PTPRK: variants seen among roughly 807,000 people sequenced by gnomAD.
PTPRK encodes receptor-type tyrosine-protein phosphatase kappa.
In PTPRK, 75 loss-of-function variants were observed where a neutral mutation model predicts 178.0. The ratio of observed to expected loss-of-function variants is 0.42; its 90% CI spans 0.35 to 0.51. PTPRK has a LOEUF of 0.51. PTPRK is among the 20% of genes least tolerant of loss of function. The pLI, the probability that PTPRK is intolerant of heterozygous loss-of-function variation, is 0.02. For synonymous variants in PTPRK, 637 were observed against 620.6 expected (o/e 1.03, Z -0.39); for missense variants, 1,441 against 1,797.8 (o/e 0.80, Z 3.59).
chr6:128,277,482 A>G (rs957225832), intron 3 of PTPRK, among the ~76,000 whole-genome samples: 3 of 152,158 alleles, frequency 2.0e-5, no homozygotes, highest in African/African-American at 7.2e-5. Flanking sequence ...GAGGTCAGAA[A>G]ATAATCATAT....
intron 8 of PTPRK, among the ~76,000 whole-genome samples, chr6:128,086,792 C>T (rs904557147): frequency 6.6e-6 from 1 of 151,940 alleles, no homozygotes; most frequent in Non-Finnish European, 1.5e-5. Context: ...ACGTATCAAT[C>T]ATTAAATATT....
chr6:128,157,063 T>C (rs1007909245), intron 7 of PTPRK, among the ~76,000 whole-genome samples: 2 of 152,026 alleles, frequency 1.3e-5, no homozygotes, highest in African/African-American at 4.8e-5. Flanking sequence ...ATAAAAGCTC[T>C]GAAAACCAAA....
chr6:128,228,318 A>G, intron 5 of PTPRK, among the ~76,000 whole-genome samples: 1 of 151,984 alleles, frequency 6.6e-6, no homozygotes, highest in East Asian at 1.9e-4. Flanking sequence ...TCTCTACAGG[A>G]TCAAGGGTAC....
At chr6:128,453,272 C>T (rs1417232882) in intron 1 of PTPRK, among the ~76,000 whole-genome samples, 3 of 152,182 alleles carry the variant, frequency 2.0e-5, no homozygotes, top group African/African-American at 7.2e-5. Flanking sequence ...ATATCCCACT[C>T]TGAGAAGAGC....
intron 11 of PTPRK, among the ~76,000 whole-genome samples, chr6:128,068,709 A>T (rs1285752182): frequency 2.6e-5 from 4 of 151,220 alleles, no homozygotes; most frequent in Admixed American, 2.0e-4. Context: ...GTAAAATATT[A>T]CCATGAAAGT....
At chr6:128,366,166 C>T (rs1003690059) in intron 2 of PTPRK, among the ~76,000 whole-genome samples, 6 of 152,198 alleles carry the variant, frequency 3.9e-5, no homozygotes, top group African/African-American at 1.2e-4. Context: ...GCCTTAGACA[C>T]TTTTGGGAGT....
intron 1 of PTPRK, among the ~76,000 whole-genome samples, chr6:128,455,765 A>G (rs943202847): frequency 6.6e-6 from 1 of 152,176 alleles, no homozygotes; most frequent in Admixed American, 6.6e-5. Context: ...AGGAGAGAAG[A>G]ACACAATTTC....
rs563152145 is a variant in PTPRK at position 128,228,374 on chromosome 6, C to A, written c.694-9278G>T. On this transcript the variant is annotated intron_variant, in intron 5 of 29. Transcript: ENST00000368226. ...TAGTTTTTTAAAAAACTTCTGGGTG[C>A]GGTGGCTCACGCCTGTAATCCCAAC... 3.3e-5 allele frequency among the ~76,000 whole-genome samples: 5 copies of A among 151,294 alleles called. No individual in the cohort carries two copies. The South Asian group carries it at 1.0e-3, about 32-fold the overall frequency.
intron 1 of PTPRK, among the ~76,000 whole-genome samples, chr6:128,401,904 A>G (rs899630729): frequency 6.6e-6 from 1 of 152,216 alleles, no homozygotes; most frequent in Non-Finnish European, 1.5e-5. Context: ...CCAATTGTGA[A>G]TTAAGCTGTG....
intron 11 of PTPRK, among the ~76,000 whole-genome samples, chr6:128,069,427 G>T (rs1403875388): frequency 6.6e-6 from 1 of 152,110 alleles, no homozygotes; most frequent in African/African-American, 2.4e-5. Flanking sequence ...CATGGAGCAG[G>T]CATTTGTCAA....
At chr6:128,196,288 C>A (rs1427238658) in intron 6 of PTPRK, among the ~76,000 whole-genome samples, 1 of 151,992 alleles carries the variant, frequency 6.6e-6, no homozygotes. Flanking sequence ...GGCCAAAATA[C>A]CTGTCCTCAA....
chr6:128,091,786 C>T (rs1401387957), intron 7 of PTPRK, among the ~76,000 whole-genome samples: 2 of 152,084 alleles, frequency 1.3e-5, no homozygotes, highest in African/African-American at 2.4e-5. Context: ...ATAAATTTCT[C>T]TATTTCTAAG....
At chr6:127,978,779 G>T (rs1774910605) in intron 25 of PTPRK, among the ~76,000 whole-genome samples, 1 of 152,142 alleles carries the variant, frequency 6.6e-6, no homozygotes, top group African/African-American at 2.4e-5. Flanking sequence ...CCCTCTAAAT[G>T]CAGGAACATA....
intron 1 of PTPRK, among the ~76,000 whole-genome samples, chr6:128,490,982 A>G (rs971281465): frequency 1.3e-5 from 2 of 152,224 alleles, no homozygotes; most frequent in Non-Finnish European, 2.9e-5. Flanking sequence ...GACCTCTTTA[A>G]AGTCCCTACC....
intron 3 of PTPRK, among the ~76,000 whole-genome samples, chr6:128,311,671 C>T (rs1004838023): frequency 1.7e-4 from 26 of 151,974 alleles, no homozygotes; most frequent in African/African-American, 6.3e-4. Context: ...ACCATAGTAG[C>T]TCAATTTTTT....
In PTPRK at chr6:128,520,520, CA is replaced by C. The variant is rs1421009530; in HGVS notation, c.-163del. On this transcript the variant is annotated 5_prime_UTR_variant, in exon 1 of 30. An upstream open reading frame in the 5' UTR loses its in-frame stop. Coordinates refer to ENST00000368226, the MANE Select transcript of PTPRK (RefSeq NM_002844.4). ...CTTCTTCGCGGTCGCCAAACTACCT[CA>C]GGGGCGAAAGCGTCGCCAGCGTCGC... The C allele has an allele frequency of 1.7e-5, 11 of 641,526 alleles. No individual in the cohort carries two copies. The highest frequency in any genetic ancestry group is 3.0e-5 in the Non-Finnish European group (11 of 369,034). 39.7% of individuals were successfully genotyped at this position (641,526 alleles called of 1,614,324 possible).
At chr6:128,135,931 T>C (rs111288316) in intron 7 of PTPRK, among the ~76,000 whole-genome samples, 3 of 152,298 alleles carry the variant, frequency 2.0e-5, no homozygotes, top group African/African-American at 4.8e-5. Context: ...TAAGATGTTA[T>C]GAGCTGAACT....
intron 1 of PTPRK, among the ~76,000 whole-genome samples, chr6:128,458,612 C>A (rs1038718853): frequency 2.6e-5 from 4 of 152,198 alleles, no homozygotes; most frequent in African/African-American, 9.7e-5. Context: ...CACACACACA[C>A]AAAATGGCAA....
chr6:128,053,133 T>C (rs1779308878), intron 13 of PTPRK, among the ~76,000 whole-genome samples: 1 of 141,104 alleles, frequency 7.1e-6, no homozygotes, highest in Admixed American at 7.4e-5. Context: ...GCTGTCTCAG[T>C]GGACTATGTG....
Sources: allele counts gnomAD v4.1 joint callset (sites outside exome capture counted in the v4.1 genomes callset), GRCh38; gene constraint gnomAD v4.1.1; transcripts MANE v1.5; gene names NCBI Gene and HGNC (gene_info 2026-07-23, HGNC 2026-07-21).